Variants in GRIA2 observed in about 807,000 individuals in gnomAD.
GRIA2 encodes the protein glutamate receptor 2.
GRIA2 carries 14 observed loss-of-function variants against 97.3 expected under a neutral mutation model. The observed-to-expected ratio is 0.14, with a 90% CI of 0.10 to 0.23. The LOEUF (loss-of-function observed/expected upper bound fraction) is 0.23, where lower values mean the gene tolerates loss of function less well. Among genes scored for constraint, GRIA2 ranks in the 10% least tolerant of loss-of-function variants. The probability of loss-of-function intolerance (pLI) is 1.00; values close to 1 mark genes in which losing one functional copy is unlikely to be tolerated. For synonymous variants in GRIA2, 412 were observed against 387.8 expected (o/e 1.06, Z -0.73); for missense variants, 558 against 1,069.8 (o/e 0.52, Z 6.67).
At chr4:157,267,844 C>T (rs1442158134) in intron 2 of GRIA2, among the ~76,000 whole-genome samples, 2 of 151,984 alleles carry the variant, frequency 1.3e-5, no homozygotes, top group Admixed American at 6.6e-5. Context: ...GAAATTGAAA[C>T]AATCTCAACT....
chr4:157,356,118 TA>T (rs1736349199), intron 12 of GRIA2, among the ~76,000 whole-genome samples: 1 of 124,806 alleles, frequency 8.0e-6, no homozygotes, highest in Non-Finnish European at 1.6e-5. Context: ...TATTTATTTA[TA>T]TATATTTATA....
intron 2 of GRIA2, among the ~76,000 whole-genome samples, chr4:157,289,245 G>GACATAA (rs1332398552): frequency 6.6e-6 from 1 of 151,918 alleles, no homozygotes; most frequent in African/African-American, 2.4e-5. Flanking sequence ...GAATAATGTG[G>GACATAA]ACATAAACAC....
intron 6 of GRIA2, among the ~76,000 whole-genome samples, chr4:157,330,127 G>C (rs1156414022): frequency 1.3e-5 from 2 of 151,830 alleles, no homozygotes; most frequent in African/African-American, 2.4e-5. Context: ...CCTTTTCAAC[G>C]CTCTTGTAAC....
intron 2 of GRIA2, among the ~76,000 whole-genome samples, chr4:157,281,991 T>G (rs1006446132): frequency 6.6e-6 from 1 of 152,168 alleles, no homozygotes; most frequent in Non-Finnish European, 1.5e-5. Context: ...ACAGGTTCAC[T>G]AAGTACATTT....
intron 2 of GRIA2, among the ~76,000 whole-genome samples, chr4:157,255,396 A>G (rs1464715570): frequency 5.3e-5 from 8 of 151,980 alleles, no homozygotes. Flanking sequence ...TAATATAATA[A>G]TTTATTTTCC....
chr4:157,224,325 C>T (rs1560998465), intron 2 of GRIA2, among the ~76,000 whole-genome samples: 1 of 152,042 alleles, frequency 6.6e-6, no homozygotes, highest in African/African-American at 2.4e-5. Flanking sequence ...TTTGCAACTC[C>T]CATGTTATAA....
chr4:157,361,299 C>T lies in GRIA2; in HGVS notation c.2406+175C>T, dbSNP rs956670376. Among the ~76,000 whole-genome samples, 3 of 152,162 alleles carry T rather than the reference C, an allele frequency of 2.0e-5. No homozygotes were observed. Among genetic ancestry groups the T allele is most frequent in the Non-Finnish European group, 4.4e-5 (3 of 68,038 alleles). On this transcript the variant is annotated intron_variant, in intron 14 of 15. Transcript: ENST00000264426. This position sits in a 1 kb window ranked among gnomAD's most constrained non-coding sequence, Gnocchi z 5.2. ...TTTCTTCCTCTACTTCTCTTTCCCT[C>T]TCTTTCTCCATATCTCAAGGAAAAA...
intron 2 of GRIA2, among the ~76,000 whole-genome samples, chr4:157,240,342 T>C (rs1241317183): frequency 3.3e-5 from 5 of 152,168 alleles, no homozygotes; most frequent in Admixed American, 6.6e-5. Flanking sequence ...ATATCAATTA[T>C]GTTCTAATTT....
chr4:157,224,384 G>A (rs1007217463), intron 2 of GRIA2, among the ~76,000 whole-genome samples: 4 of 152,154 alleles, frequency 2.6e-5, no homozygotes, highest in Non-Finnish European at 4.4e-5. Context: ...TGTGACAGAA[G>A]AGAGGCTCAT....
rs1734558768 is a variant in GRIA2, at chr4:157,321,390, A to C, written c.721-48A>C. 5 of 1,357,580 alleles carry C rather than the reference A, an allele frequency of 3.7e-6. No homozygotes were observed. In the South Asian group the frequency reaches 6.3e-5, roughly 17 times the overall value. The allele number at this position is 1,357,580 out of a possible 1,614,324, so 84.1% of individuals were successfully genotyped here. On this transcript the variant is annotated intron_variant, in intron 5 of 15. Coordinates refer to ENST00000264426, the MANE Select transcript of GRIA2 (RefSeq NM_001083619.3). ...AGTTATTTGGTAAATGTTAAGTAGC[A>C]TTTTGTTCTCAAACAAAAAGCGTGA...
chr4:157,278,676 G>A (rs959537317), intron 2 of GRIA2, among the ~76,000 whole-genome samples: 1 of 151,642 alleles, frequency 6.6e-6, no homozygotes, highest in Non-Finnish European at 1.5e-5. Context: ...AGAATGAGAG[G>A]ACAAACCACA....
chr4:157,228,832 C>T (rs1007302798), intron 2 of GRIA2, among the ~76,000 whole-genome samples: 1 of 149,828 alleles, frequency 6.7e-6, no homozygotes, highest in Non-Finnish European at 1.5e-5. Flanking sequence ...GAATGACCCC[C>T]CCACCTCCCC....
chr4:157,321,393 T>A (rs569717929), intron 5 of GRIA2, 45 bp from the exon 6 acceptor site: 1 of 1,401,832 alleles, frequency 7.1e-7, no homozygotes, highest in South Asian at 1.2e-5. Context: ...AAGTAGCATT[T>A]TGTTCTCAAA....
At chr4:157,362,564 A>T in intron 14 of GRIA2, 1 of 603,884 alleles carries the variant, frequency 1.7e-6, no homozygotes, top group Non-Finnish European at 3.0e-6. Flanking sequence ...AATAAATAGA[A>T]GTTTATTCCC....
At chr4:157,226,868 C>T (rs763039476) in intron 2 of GRIA2, among the ~76,000 whole-genome samples, 4 of 152,020 alleles carry the variant, frequency 2.6e-5, no homozygotes, top group South Asian at 2.1e-4. Flanking sequence ...GACACAATAC[C>T]GTAAAAGCTG....
At chr4:157,224,930 A>G (rs1729674674) in intron 2 of GRIA2, among the ~76,000 whole-genome samples, 1 of 152,126 alleles carries the variant, frequency 6.6e-6, no homozygotes, top group South Asian at 2.1e-4. Context: ...AATGCTCTTG[A>G]AATAGCTTGC....
intron 2 of GRIA2, among the ~76,000 whole-genome samples, chr4:157,273,425 T>C (rs1732125312): frequency 6.6e-6 from 1 of 152,050 alleles, no homozygotes; most frequent in Non-Finnish European, 1.5e-5. Context: ...AATGTTGGAA[T>C]TATTGGATGA....
chr4:157,331,933 G>C (rs1455782144), intron 6 of GRIA2, among the ~76,000 whole-genome samples: 1 of 152,042 alleles, frequency 6.6e-6, no homozygotes, highest in Non-Finnish European at 1.5e-5. Flanking sequence ...GTATGGTACA[G>C]TACTGCATTT....
intron 14 of GRIA2, chr4:157,362,263 G>A (rs1736663054): frequency 5.1e-6 from 2 of 390,432 alleles, no homozygotes; most frequent in African/African-American, 4.2e-5. Context: ...ACATATTGCA[G>A]GATAACTTCC....
Sources: allele counts gnomAD v4.1 joint callset (sites outside exome capture counted in the v4.1 genomes callset), GRCh38; gene constraint gnomAD v4.1.1; non-coding constraint Gnocchi (gnomAD v3.1); transcripts MANE v1.5; gene names NCBI Gene and HGNC (gene_info 2026-07-23, HGNC 2026-07-21).